BCOR: variants seen among roughly 807,000 people sequenced by gnomAD.
The protein encoded by BCOR is BCL-6 corepressor.
BCOR carries 10 observed loss-of-function variants against 86.7 expected under a neutral mutation model. That is an observed-to-expected ratio of 0.12 (90% CI 0.07 to 0.20). BCOR has a LOEUF of 0.20. BCOR is among the 10% of genes least tolerant of loss of function. The pLI is 1.00. For missense variants in BCOR, 1,259 were observed against 1,452.1 expected (o/e 0.87, Z 2.16); for synonymous variants, 611 against 609.0 (o/e 1.00, Z -0.05).
chrX:40,082,067 G>A (rs751653229), intron 1 of BCOR, among the ~76,000 whole-genome samples: 6 of 112,497 alleles, frequency 5.3e-5, no homozygotes, highest in Non-Finnish European at 1.1e-4. Context: ...AGCTTGGCCC[G>A]GACACGGGGG....
intron 6 of BCOR, among the ~76,000 whole-genome samples, chrX:40,068,905 A>C (rs1029088146): frequency 8.8e-6 from 1 of 113,286 alleles, no homozygotes; most frequent in East Asian, 2.8e-4. Context: ...GAGGCCGCAC[A>C]GGCGGCACCT....
At chrX:40,084,705 C>CA (rs1389381302) in intron 1 of BCOR, among the ~76,000 whole-genome samples, 7 of 97,832 alleles carry the variant, frequency 7.2e-5, no homozygotes, top group African/African-American at 3.3e-4. Context: ...TCGCCGCCAC[C>CA]CCCCCCCACC....
chrX:40,087,119 C>A (rs1936394117), intron 1 of BCOR, among the ~76,000 whole-genome samples: 1 of 113,320 alleles, frequency 8.8e-6, no homozygotes, highest in Non-Finnish European at 1.9e-5. Flanking sequence ...TCTGGCCGGG[C>A]TGGGGCCGGG....
In BCOR at chrX:40,160,227, T is replaced by A. The variant is rs1477291220; in HGVS notation, c.-41+16780A>T. On this transcript the variant is annotated intron_variant, in intron 1 of 14. Transcript: ENST00000342274. ...GCCTCCCGGATTCACGCCATTCTCC[T>A]GCCTCAGCCTCTCGAGTAGCTGGGA... is the stretch of plus-strand genomic sequence containing the variant. Among the ~76,000 whole-genome samples, 3 of 109,775 alleles carry A rather than the reference T, an allele frequency of 2.7e-5. No homozygotes were observed. The Admixed American group carries it at 2.9e-4, about 10-fold the overall frequency.
At chrX:40,157,632 G>A (rs752274866) in intron 1 of BCOR, among the ~76,000 whole-genome samples, 7 of 112,140 alleles carry the variant, frequency 6.2e-5, no homozygotes, top group African/African-American at 2.3e-4. Flanking sequence ...AAGGGTAATG[G>A]GGAACCGTTT....
chrX:40,143,821 T>C (rs1336495171), intron 1 of BCOR, among the ~76,000 whole-genome samples: 2 of 111,699 alleles, frequency 1.8e-5, no homozygotes, highest in Non-Finnish European at 3.8e-5. Context: ...CCGGGCCTGG[T>C]GGCGCGTGCC....
chrX:40,126,983 T>C (rs1169035108), intron 1 of BCOR, among the ~76,000 whole-genome samples: 1 of 112,102 alleles, frequency 8.9e-6, no homozygotes, highest in African/African-American at 3.2e-5. Flanking sequence ...TGACAACTTG[T>C]TCTTGGACTT....
chrX:40,075,528 C>T (rs913682844), intron 3 of BCOR, among the ~76,000 whole-genome samples: 2 of 111,571 alleles, frequency 1.8e-5, no homozygotes, highest in African/African-American at 3.3e-5. Flanking sequence ...GAGGCCAAGG[C>T]GGGCAGATTG....
chrX:40,167,928 T>C (rs1009921272), intron 1 of BCOR, among the ~76,000 whole-genome samples: 1 of 113,008 alleles, frequency 8.8e-6, no homozygotes, highest in Non-Finnish European at 1.9e-5. Flanking sequence ...CCGCGAGGCC[T>C]CCTACAGCTC....
rs1936483157 is a variant in BCOR at position 40,089,022 on chromosome X, G to A, written c.-41+8193C>T. Among the ~76,000 whole-genome samples, 4 of 111,953 alleles carry A rather than the reference G, an allele frequency of 3.6e-5. No individual in the cohort carries two copies. In the South Asian group the frequency reaches 1.5e-3, roughly 41 times the overall value. On this transcript the variant is annotated intron_variant, in intron 1 of 14. Transcript: ENST00000378444. ...AAACTACGGTAACAAAGGGAAAGGG[G>A]AACCCAGGAAGGTGGACCTAGAATA... is the stretch of plus-strand genomic sequence containing the variant.
chrX:40,170,146 G>A (rs919859204), intron 1 of BCOR, among the ~76,000 whole-genome samples: 1 of 111,212 alleles, frequency 9.0e-6, no homozygotes, highest in Non-Finnish European at 1.9e-5. Flanking sequence ...TTCATTTAAA[G>A]CAAAATGATC....
intron 1 of BCOR, among the ~76,000 whole-genome samples, chrX:40,111,848 T>A (rs1374985969): frequency 9.0e-6 from 1 of 111,685 alleles, no homozygotes; most frequent in Non-Finnish European, 1.9e-5. Context: ...GTACCTCACC[T>A]ATGAAACTTA....
In BCOR at chrX:40,146,654, C is replaced by G. The variant is rs1357969410; in HGVS notation, c.-41+30353G>C. 2.7e-5 allele frequency: 3 copies of G among 112,361 alleles called. No homozygotes were observed. The Admixed American group carries it at 2.8e-4, about 10-fold the overall frequency. 9.3% of individuals were successfully genotyped at this position (112,361 alleles called of 1,213,427 possible). Reference sequence around the variant, plus strand: ...ATTGCGGAAGATGCCTGCGTCCGCTCCGCTCAGGAGGCTCTAGGAGCGCCC... The same window carrying G: ...ATTGCGGAAGATGCCTGCGTCCGCTGCGCTCAGGAGGCTCTAGGAGCGCCC... On this transcript the variant is annotated intron_variant, in intron 1 of 14. Coordinates refer to the BCOR transcript ENST00000342274.
At chrX:40,162,833 G>T (rs1366347514) in intron 1 of BCOR, among the ~76,000 whole-genome samples, 2 of 111,899 alleles carry the variant, frequency 1.8e-5, no homozygotes, top group Non-Finnish European at 3.8e-5. Flanking sequence ...TAAACTAGCA[G>T]ATCAAATAGC....
intron 1 of BCOR, among the ~76,000 whole-genome samples, chrX:40,147,389 C>G (rs1938082388): frequency 8.9e-6 from 1 of 112,668 alleles, no homozygotes; most frequent in Admixed American, 9.3e-5. Context: ...CCCAATCCCT[C>G]GAGTTTGTTT....
rs370888564 is a variant in BCOR, at chrX:40,054,048, G to A, written c.4820-6C>T. Reference sequence around the variant, plus strand: ...GCCACTTTCATCATCTGGTTCTAATGGAGGGCAAATAAGAGAGGAAGGAAT... The same window carrying A: ...GCCACTTTCATCATCTGGTTCTAATAGAGGGCAAATAAGAGAGGAAGGAAT... On this transcript the variant is annotated splice_region_variant and splice_polypyrimidine_tract_variant and intron_variant, in intron 13 of 14. Coordinates refer to ENST00000378444, the MANE Select transcript of BCOR (RefSeq NM_001123385.2). 27 of 1,208,477 alleles carry A rather than the reference G, an allele frequency of 2.2e-5. No individual in the cohort carries two copies. In the African/African-American group the frequency reaches 4.5e-4, roughly 20 times the overall value.
chrX:40,082,042 T>C (rs1373727720), intron 1 of BCOR, among the ~76,000 whole-genome samples: 1 of 112,724 alleles, frequency 8.9e-6, no homozygotes, highest in African/African-American at 3.2e-5. Context: ...CCAAGGGTTA[T>C]GATGAGAGCA....
At chrX:40,155,653 GA>G (rs934557233) in intron 1 of BCOR, among the ~76,000 whole-genome samples, 47 of 112,436 alleles carry the variant, frequency 4.2e-4, no homozygotes, top group African/African-American at 1.3e-3. Flanking sequence ...GTGGGGGGGG[GA>G]AAGACCCTCG....
rs749386912 is a variant in BCOR at position 40,073,222 on chromosome X, G to A, written c.2124C>T (p.Thr708=). Residue 708 remains threonine, a synonymous_variant, in exon 4 of 15, where the codon ACC becomes ACT. Transcript: ENST00000378444. ...PKPGLPYGLP[T]GRPEFVTYQD... ...GGTAGGTCACAAACTCTGGACGGCC[G>A]GTGGGAAGCCCATAGGGCAGCCCAG... is the stretch of plus-strand genomic sequence containing the variant. 5.9e-5 allele frequency: 71 copies of A among 1,210,787 alleles called. No homozygotes were observed. In the Middle Eastern group the frequency reaches 6.9e-4, roughly 12 times the overall value.
Sources: gnomAD v4.1 joint callset for allele counts (sites outside exome capture counted in the v4.1 genomes callset) on GRCh38, gnomAD v4.1.1 for gene constraint, MANE v1.5 for transcripts, NCBI Gene and HGNC (gene_info 2026-07-23, HGNC 2026-07-21) for gene names.